EDA: variants seen among roughly 807,000 people sequenced by gnomAD.
EDA encodes the protein ectodysplasin-A.
A neutral mutation model predicts 23.6 loss-of-function variants in EDA; 2 were observed. The observed-to-expected ratio is 0.08, with a 90% CI of 0.03 to 0.27. The LOEUF is 0.27. Among genes scored for constraint, EDA ranks in the 10% least tolerant of loss-of-function variants. EDA has a pLI of 1.00. For synonymous variants in EDA, 131 were observed against 132.0 expected (o/e 0.99, Z 0.05); for missense variants, 229 against 324.2 (o/e 0.71, Z 2.26).
At chrX:69,937,458 A>T in intron 1 of EDA, 1 of 793,234 alleles carries the variant, frequency 1.3e-6, no homozygotes, top group Non-Finnish European at 1.9e-6. Context: ...AGGTAAAAAC[A>T]ATCGAAGGAT....
At chrX:69,680,015 G>T (rs917090515) in intron 1 of EDA, among the ~76,000 whole-genome samples, 1 of 108,777 alleles carries the variant, frequency 9.2e-6, no homozygotes, top group Non-Finnish European at 1.9e-5. Context: ...ATTCTGGTAT[G>T]TTGTGTCTTT....
intron 1 of EDA, among the ~76,000 whole-genome samples, chrX:69,655,107 A>G (rs1259890904): frequency 3.6e-5 from 4 of 112,245 alleles, no homozygotes; most frequent in African/African-American, 1.3e-4. Flanking sequence ...TAGAAAATAA[A>G]ACAATAGGCT....
At chrX:69,670,408 C>G (rs1341911868) in intron 1 of EDA, 1 of 291,659 alleles carries the variant, frequency 3.4e-6, no homozygotes, top group Non-Finnish European at 5.9e-6. Flanking sequence ...TGTTTGCGAA[C>G]TTTTGAGCTT....
chrX:69,698,291 C>T (rs1042809302), intron 1 of EDA, among the ~76,000 whole-genome samples: 4 of 111,380 alleles, frequency 3.6e-5, no homozygotes, highest in Admixed American at 9.5e-5. Context: ...GACCCTGGTG[C>T]GACGGATCCA....
intron 1 of EDA, among the ~76,000 whole-genome samples, chrX:69,869,679 A>G (rs955890354): frequency 3.6e-5 from 4 of 111,865 alleles, no homozygotes; most frequent in Non-Finnish European, 5.6e-5. Context: ...ACTCCTAGGA[A>G]CACCATGATT....
intron 1 of EDA, chrX:69,687,723 T>TTTTTA (rs1361684795): frequency 9.0e-6 from 1 of 111,670 alleles, no homozygotes; most frequent in Non-Finnish European, 1.9e-5. Flanking sequence ...TGTGATCCAT[T>TTTTTA]TTTTATTTTA....
intron 4 of EDA, among the ~76,000 whole-genome samples, chrX:70,029,140 G>A (rs2020163563): frequency 8.9e-6 from 1 of 112,978 alleles, no homozygotes; most frequent in African/African-American, 3.2e-5. Flanking sequence ...GCTCTATGAA[G>A]AAAATTAATA....
intron 1 of EDA, among the ~76,000 whole-genome samples, chrX:69,633,685 C>T (rs956264370): frequency 2.0e-5 from 1 of 50,749 alleles, no homozygotes; most frequent in Non-Finnish European, 3.0e-5. Context: ...AACATGTATC[C>T]GTCCTTTTTC....
At chrX:69,706,658 T>C (rs1379645793) in intron 1 of EDA, among the ~76,000 whole-genome samples, 1 of 111,192 alleles carries the variant, frequency 9.0e-6, no homozygotes, top group East Asian at 2.8e-4. Context: ...TTCCAGGTTG[T>C]ATGTAGATTT....
intron 2 of EDA, among the ~76,000 whole-genome samples, chrX:69,993,994 C>G: frequency 8.9e-6 from 1 of 111,812 alleles, no homozygotes; most frequent in Non-Finnish European, 1.9e-5. Context: ...ATTAAAGGAA[C>G]CAAATGTAAC....
At chrX:69,859,190 A>G (rs1177555400) in intron 1 of EDA, among the ~76,000 whole-genome samples, 1 of 110,346 alleles carries the variant, frequency 9.1e-6, no homozygotes, top group African/African-American at 3.3e-5. Context: ...CAGCTCCTAG[A>G]TTCATTAATC....
chrX:69,678,175 A>G (rs1934180152), intron 1 of EDA, among the ~76,000 whole-genome samples: 2 of 110,434 alleles, frequency 1.8e-5, no homozygotes, highest in African/African-American at 3.3e-5. Flanking sequence ...TGTTCCATTG[A>G]TCTATATCTC....
At chrX:69,828,893 C>A (rs1479043854) in intron 1 of EDA, among the ~76,000 whole-genome samples, 1 of 112,203 alleles carries the variant, frequency 8.9e-6, no homozygotes, top group African/African-American at 3.2e-5. Context: ...TTTCTGTTTT[C>A]TTTGCCTAAA....
intron 1 of EDA, among the ~76,000 whole-genome samples, chrX:69,848,813 C>T (rs757234475): frequency 9.0e-6 from 1 of 111,317 alleles, no homozygotes; most frequent in African/African-American, 3.3e-5. Flanking sequence ...TTAGTCACAA[C>T]TGAATATGAG....
At chrX:69,973,986 G>A (rs188091015) in intron 2 of EDA, among the ~76,000 whole-genome samples, 140 of 109,353 alleles carry the variant, frequency 1.3e-3, no homozygotes, top group Non-Finnish European at 1.8e-3. Flanking sequence ...ATTAAATGTA[G>A]CATAATAACC....
intron 1 of EDA, among the ~76,000 whole-genome samples, chrX:69,664,036 C>CA (rs1933599120): frequency 8.9e-6 from 1 of 112,135 alleles, no homozygotes; most frequent in Non-Finnish European, 1.9e-5. Context: ...GGCTCATATG[C>CA]AAAAGGGACT....
At chrX:69,947,155 T>C (rs1316233609) in intron 1 of EDA, among the ~76,000 whole-genome samples, 3 of 112,296 alleles carry the variant, frequency 2.7e-5, no homozygotes, top group African/African-American at 9.7e-5. Context: ...ACAAAATAAA[T>C]AAGCACACAC....
intron 1 of EDA, among the ~76,000 whole-genome samples, chrX:69,743,824 G>T (rs1313864684): frequency 9.0e-6 from 1 of 111,686 alleles, no homozygotes; most frequent in Non-Finnish European, 1.9e-5. Flanking sequence ...AATAGTTAAG[G>T]TGGCTAATTT....
At position 69,916,364 on chromosome X, in the gene EDA, A is replaced by G. The variant is rs1349082406; in HGVS notation, c.397-40663A>G. Among the ~76,000 whole-genome samples, 6 of 106,446 alleles carry G rather than the reference A, an allele frequency of 5.6e-5. No homozygotes were observed. The Admixed American group carries it at 6.0e-4, about 11-fold the overall frequency. The allele number at this position is 106,446 out of a possible 115,157, so 92.4% of individuals were successfully genotyped here. ...GAAATTTTCTATTTTGGTACATGCC[A>G]CCAGACATTAGTAACATTAATCTCT... On this transcript the variant is annotated intron_variant, in intron 1 of 7. Transcript: ENST00000374552.
Sources: gnomAD v4.1 joint callset for allele counts (sites outside exome capture counted in the v4.1 genomes callset) on GRCh38, gnomAD v4.1.1 for gene constraint, MANE v1.5 for transcripts, NCBI Gene and HGNC (gene_info 2026-07-23, HGNC 2026-07-21) for gene names.